LIMS1: variants seen among roughly 807,000 people sequenced by gnomAD.
LIMS1 encodes the protein LIM and senescent cell antigen-like-containing domain protein 1.
A neutral mutation model predicts 44.1 loss-of-function variants in LIMS1; 18 were observed. The observed-to-expected ratio is 0.41, with a 90% CI of 0.28 to 0.61. The LOEUF is 0.61. Ranked by LOEUF, LIMS1 falls within the 20% of genes least tolerant of loss-of-function variation. The probability of loss-of-function intolerance (pLI) is 0.32; values close to 1 mark genes in which losing one functional copy is unlikely to be tolerated. For synonymous variants in LIMS1, 93 were observed against 149.1 expected, an observed-to-expected ratio of 0.62 and a Z score of 2.74; for missense variants, 201 against 422.0, an observed-to-expected ratio of 0.48 and a Z score of 4.59.
chr2:108,543,845 C>G (rs767510150), intron 1 of LIMS1, among the ~76,000 whole-genome samples: 3 of 152,188 alleles, frequency 2.0e-5, no homozygotes, highest in Non-Finnish European at 4.4e-5. Flanking sequence ...TAAAAACTCT[C>G]TTCCTCCCCT....
chr2:108,619,103 A>G (rs375532310), intron 1 of LIMS1, among the ~76,000 whole-genome samples: 1 of 152,030 alleles, frequency 6.6e-6, no homozygotes, highest in African/African-American at 2.4e-5. Flanking sequence ...GATTCATCCT[A>G]CACAGTTAGG....
chr2:108,661,369 T>G (rs966515429), intron 2 of LIMS1, among the ~76,000 whole-genome samples: 1 of 151,576 alleles, frequency 6.6e-6, no homozygotes, highest in African/African-American at 2.4e-5. Context: ...TCTTTAGGCC[T>G]CCAAACATGC....
intron 1 of LIMS1, among the ~76,000 whole-genome samples, chr2:108,639,251 C>G (rs1689498368): frequency 6.6e-6 from 1 of 152,026 alleles, no homozygotes; most frequent in Non-Finnish European, 1.5e-5. Flanking sequence ...TGAGCAGGTA[C>G]TTGAGGACTG....
At chr2:108,598,275 T>A (rs182092404) in intron 1 of LIMS1, among the ~76,000 whole-genome samples, 1 of 152,268 alleles carries the variant, frequency 6.6e-6, no homozygotes, top group African/African-American at 2.4e-5. Flanking sequence ...ACTAAAAAAA[T>A]GTCTACTTTA....
At position 108,639,703 on chromosome 2, in the gene LIMS1, G is replaced by T. The variant is rs554867771; in HGVS notation, c.33-19902G>T. Among the ~76,000 whole-genome samples the T allele has an allele frequency of 2.6e-5, 4 of 152,238 alleles. No homozygotes were observed. The East Asian group carries it at 7.7e-4, about 29-fold the overall frequency. ...CCTAACCTCATGATTCACCCACTTT[G>T]GCCTCCCAAAGTGCTGGGATTACAG... On this transcript the variant is annotated intron_variant, in intron 1 of 9. Transcript: ENST00000544547.
At chr2:108,549,547 G>T (rs1684615680) in intron 1 of LIMS1, among the ~76,000 whole-genome samples, 1 of 152,022 alleles carries the variant, frequency 6.6e-6, no homozygotes, top group Non-Finnish European at 1.5e-5. Flanking sequence ...AGGAGGCAAT[G>T]CAGGAACAAG....
At chr2:108,552,585 G>GGTGTGTGTGTGTGTGTGTAT (rs1553451173) in intron 1 of LIMS1, among the ~76,000 whole-genome samples, 1 of 101,906 alleles carries the variant, frequency 9.8e-6, no homozygotes, top group African/African-American at 3.0e-5. Flanking sequence ...ATATATTTTG[G>GGTGTGTGTGTGTGTGTGTAT]GTGTGTGTGT....
At chr2:108,599,972 A>G (rs1686916848) in intron 1 of LIMS1, among the ~76,000 whole-genome samples, 1 of 151,044 alleles carries the variant, frequency 6.6e-6, no homozygotes, top group African/African-American at 2.4e-5. Flanking sequence ...ATCTTCTCCC[A>G]TTCTGTGGTT....
chr2:108,591,293 T>A (rs12622759), intron 1 of LIMS1, among the ~76,000 whole-genome samples: 11 of 152,006 alleles, frequency 7.2e-5, no homozygotes, highest in Admixed American at 6.5e-4. Context: ...TAATGCCAGA[T>A]GTGTGAACAT....
Position 108,537,434 on chromosome 2 carries a change from T to C in LIMS1, c.32+2840T>C, listed in dbSNP as rs143307909. ...GTAGTTTTGGCTAGTTTTAGTAGGA[T>C]GTAATAACTAAGACTTGGACCACCA... On this transcript the variant is annotated intron_variant, in intron 1 of 9. Coordinates refer to ENST00000544547, the Ensembl canonical transcript of LIMS1. 5.7e-3 allele frequency among the ~76,000 whole-genome samples: 863 copies of C among 152,330 alleles called. 10 individuals are homozygous for C. The highest frequency in any genetic ancestry group is 0.02 in the African/African-American group (835 of 41,572).
intron 1 of LIMS1, among the ~76,000 whole-genome samples, chr2:108,613,658 A>G (rs148602409): frequency 1.1e-4 from 17 of 152,266 alleles, no homozygotes; most frequent in African/African-American, 3.4e-4. Flanking sequence ...AGGGGTCCTC[A>G]GCAAACAGGT....
rs1264811485 is a variant in LIMS1, at chr2:108,660,641, G to C, written c.192+877G>C. 30 of 265,066 alleles carry C rather than the reference G, an allele frequency of 1.1e-4. No homozygotes were observed. The Middle Eastern group carries it at 0.011, about 95-fold the overall frequency. 16.4% of individuals were successfully genotyped at this position (265,066 alleles called of 1,614,324 possible). ...AAACGGAGTCTCCCTATGTTGCCCA[G>C]GCTGGTCTCAAACTCCTGGGCTCAG... is the stretch of plus-strand genomic sequence containing the variant. On this transcript the variant is annotated intron_variant, in intron 2 of 9. Coordinates refer to ENST00000544547, the Ensembl canonical transcript of LIMS1.
At chr2:108,619,005 A>G (rs1240072940) in intron 1 of LIMS1, among the ~76,000 whole-genome samples, 1 of 151,928 alleles carries the variant, frequency 6.6e-6, no homozygotes, top group African/African-American at 2.4e-5. Context: ...CGTTTGTTTT[A>G]TGGCTTGGTA....
chr2:108,635,414 G>A (rs1423426034), intron 1 of LIMS1, among the ~76,000 whole-genome samples: 1 of 115,840 alleles, frequency 8.6e-6, no homozygotes, highest in Admixed American at 1.1e-4. Context: ...GGGGGAAAGA[G>A]CAAGACTTCA....
At chr2:108,622,309 A>G (rs1011061174) in intron 1 of LIMS1, among the ~76,000 whole-genome samples, 1 of 152,148 alleles carries the variant, frequency 6.6e-6, no homozygotes, top group Non-Finnish European at 1.5e-5. Context: ...TACTTTGTGT[A>G]CTATTGTTCT....
chr2:108,677,099 A>C (rs1474534283), intron 7 of LIMS1, among the ~76,000 whole-genome samples: 1 of 152,210 alleles, frequency 6.6e-6, no homozygotes, highest in Non-Finnish European at 1.5e-5. Context: ...CCGTACTCTA[A>C]CCATTTATTC....
In LIMS1 at chr2:108,679,891, G is replaced by A. The variant is rs566386700; in HGVS notation, c.824-804G>A. ...TGCAATACAGCCTGGACAACAGAGC[G>A]AGACCCTGTCTGAAAAACAAAAGAA... On this transcript the variant is annotated intron_variant, in intron 8 of 9. Coordinates refer to ENST00000544547, the Ensembl canonical transcript of LIMS1. 5.9e-5 allele frequency among the ~76,000 whole-genome samples: 9 copies of A among 151,942 alleles called. 1 individual carries two copies. The highest frequency in any genetic ancestry group is 4.2e-4 in the South Asian group (2 of 4,814).
intron 2 of LIMS1, 132 bp from the exon 3 acceptor site, chr2:108,670,649 C>T: frequency 1.5e-6 from 1 of 674,268 alleles, no homozygotes; most frequent in East Asian, 2.7e-5. Context: ...TTTTTAAAAT[C>T]CCAGTAGAGT....
chr2:108,628,741 A>G (rs1206688069), intron 1 of LIMS1, among the ~76,000 whole-genome samples: 7 of 152,234 alleles, frequency 4.6e-5, no homozygotes, highest in Non-Finnish European at 8.8e-5. Context: ...CTGGGATTAC[A>G]GGCGTGAGCC....
Sources: gnomAD v4.1 joint callset for allele counts (sites outside exome capture counted in the v4.1 genomes callset) on GRCh38, gnomAD v4.1.1 for gene constraint, MANE v1.5 for transcripts, NCBI Gene and HGNC (gene_info 2026-07-23, HGNC 2026-07-21) for gene names.